HSD11B1L: variants seen among roughly 807,000 people sequenced by gnomAD.
HSD11B1L encodes hydroxysteroid 11-beta dehydrogenase 1 like.
In HSD11B1L, 22 loss-of-function variants were observed where a neutral mutation model predicts 27.0. The observed-to-expected ratio is 0.81, with a 90% CI of 0.58 to 1.16. HSD11B1L has a LOEUF of 1.16. Among genes scored for constraint, HSD11B1L ranks in the 50% most tolerant of loss-of-function variants. The pLI is 0.00. For synonymous variants in HSD11B1L, 187 were observed against 189.2 expected (o/e 0.99, Z 0.09); for missense variants, 372 against 401.8 (o/e 0.93, Z 0.63).
Position 5,685,141 on chromosome 19 carries a change from T to G in HSD11B1L, c.204+22T>G. ...GAAGGTGAGCCACCCCATGTCTAGA[T>G]GAATGGTGGGGGTGCTCATGGGGGG... On this transcript the variant is annotated intron_variant, in intron 3 of 7. Transcript: ENST00000339423. This position sits in a 1 kb window ranked among gnomAD's most constrained non-coding sequence, Gnocchi z 4.3. 1.9e-6 allele frequency: 3 copies of G among 1,542,238 alleles called. No individual in the cohort carries two copies. The highest frequency in any genetic ancestry group is 2.4e-5 in the South Asian group (2 of 84,074).
intron 1 of HSD11B1L, among the ~76,000 whole-genome samples, chr19:5,684,516 C>T (rs2054636219): frequency 1.3e-5 from 2 of 152,256 alleles, no homozygotes; most frequent in African/African-American, 2.4e-5. Flanking sequence ...CCACACAGGG[C>T]GTTTGTAGCC....
At position 5,685,079 on chromosome 19, in the gene HSD11B1L, AC is replaced by A. The variant is rs2054654283; in HGVS notation, c.166del (p.Leu56TrpfsTer15). ...TATCACTACGCGCGTCTGGGCTCCCACCTGGTGCTCACTGCCCACACTGAGG... is the reference window on the plus strand; with the variant it reads ...TATCACTACGCGCGTCTGGGCTCCCACTGGTGCTCACTGCCCACACTGAGG... ...LAYHYARLGS[H>X]LVLTAHTEAL... On this transcript the variant is annotated frameshift_variant, in exon 3 of 8. Coordinates refer to ENST00000339423, the MANE Select transcript of HSD11B1L (RefSeq NM_198706.3). LOFTEE classifies it high-confidence loss of function. The surrounding 1 kb of genome is among the most constrained non-coding windows in gnomAD (Gnocchi z 4.3). 1 of 1,551,760 alleles carries A rather than the reference AC, an allele frequency of 6.4e-7. No individual in the cohort carries two copies. The highest frequency in any genetic ancestry group is 1.4e-5 in the African/African-American group (1 of 73,050).
At position 5,685,387 on chromosome 19, in the gene HSD11B1L, C is replaced by G. The variant is rs1568299885; in HGVS notation, c.204+268C>G. 1 of 583,632 alleles carries G rather than the reference C, an allele frequency of 1.7e-6. No homozygotes were observed. Among genetic ancestry groups the G allele is most frequent in the Middle Eastern group, 3.2e-4 (1 of 3,162 alleles). The allele number at this position is 583,632 out of a possible 1,614,324, so 36.2% of individuals were successfully genotyped here. On this transcript the variant is annotated intron_variant, in intron 3 of 7. Transcript: ENST00000339423. The surrounding 1 kb of genome is among the most constrained non-coding windows in gnomAD (Gnocchi z 4.3). ...GGTCAGGAGTTCAAGACCAGCCTGG[C>G]CAACATGGCGAAACCTGGTCTCTAC...
chr19:5,686,298 C>G (rs887933955), intron 3 of HSD11B1L, 118 bp from the exon 4 acceptor site: 6 of 695,020 alleles, frequency 8.6e-6, no homozygotes, highest in Admixed American at 3.2e-5. Flanking sequence ...GAATGGGTCC[C>G]GAGGCTCAGA....
At chr19:5,681,758 C>G (rs937482957) in intron 1 of HSD11B1L, among the ~76,000 whole-genome samples, 1 of 151,492 alleles carries the variant, frequency 6.6e-6, no homozygotes, top group Non-Finnish European at 1.5e-5. Flanking sequence ...CCATACATCT[C>G]TCCGTCCATC....
intron 1 of HSD11B1L, among the ~76,000 whole-genome samples, chr19:5,681,590 C>CTAT (rs2054548380): frequency 6.6e-6 from 1 of 152,098 alleles, no homozygotes; most frequent in African/African-American, 2.4e-5. Context: ...ACCCATCCAT[C>CTAT]TATTTATCTG....
chr19:5,685,172 A>G lies in HSD11B1L; in HGVS notation c.204+53A>G. On this transcript the variant is annotated intron_variant, in intron 3 of 7. Coordinates refer to ENST00000339423, the MANE Select transcript of HSD11B1L (RefSeq NM_198706.3). The surrounding 1 kb of genome is among the most constrained non-coding windows in gnomAD (Gnocchi z 4.3). ...GTGGGGGTGCTCATGGGGGGTGGGA[A>G]GAGAGCCTGGGTTTAATCCCTGCAA... The G allele has an allele frequency of 1.3e-6, 2 of 1,534,532 alleles. No individual in the cohort carries two copies. Among genetic ancestry groups the G allele is most frequent in the Non-Finnish European group, 1.7e-6 (2 of 1,144,278 alleles).
chr19:5,684,811 C>A lies in HSD11B1L; in HGVS notation c.-14-8C>A. ...TGCCGGCCACCTCTGTCCCCTGTCC[C>A]TCTGCAGGCCCACACAGGACCATGA... On this transcript the variant is annotated splice_polypyrimidine_tract_variant and splice_region_variant and intron_variant, in intron 1 of 7. Coordinates refer to ENST00000339423, the MANE Select transcript of HSD11B1L (RefSeq NM_198706.3). 1 of 1,613,576 alleles carries A rather than the reference C, an allele frequency of 6.2e-7. No homozygotes were observed.
At chr19:5,682,338 G>A (rs1320372268) in intron 1 of HSD11B1L, among the ~76,000 whole-genome samples, 1 of 152,178 alleles carries the variant, frequency 6.6e-6, no homozygotes, top group Non-Finnish European at 1.5e-5. Context: ...CCAAATCGGA[G>A]ATGGAAGGGA....
At position 5,686,968 on chromosome 19, in the gene HSD11B1L, C is replaced by T; in HGVS notation, c.385C>T (p.Gln129Ter). 5 of 1,550,624 alleles carry T rather than the reference C, an allele frequency of 3.2e-6. No homozygotes were observed. Among genetic ancestry groups the T allele is most frequent in the Non-Finnish European group, 4.4e-6 (5 of 1,148,392 alleles). ...GGCCGGCACGCGAGCCCGCAGCCCC[C>T]AGGCAACTCGCTGGCTCATGCAGGT... ...APAGTRARSP[Q>*]ATRWLMQVNF... Residue 129 changes from glutamine (Q) to a stop codon, truncating the protein, a stop_gained, in exon 5 of 8, where the codon CAG (glutamine) becomes TAG (stop). Transcript: ENST00000339423. LOFTEE classifies it high-confidence loss of function.
At chr19:5,686,678 T>C in intron 4 of HSD11B1L, 151 bp downstream of exon 4, 3 of 717,624 alleles carry the variant, frequency 4.2e-6, no homozygotes, top group Non-Finnish European at 6.8e-6. Flanking sequence ...TGGAGTCTCA[T>C]TGCGTCTGGG....
At chr19:5,684,020 A>G in intron 1 of HSD11B1L, 1 of 467,384 alleles carries the variant, frequency 2.1e-6, no homozygotes, top group East Asian at 3.5e-5. Context: ...CTTGTTGCCT[A>G]GGCTGGAGTG....
rs1168433209 is a variant in HSD11B1L, at chr19:5,683,208, C to CAAAAA, written c.-14-1594_-14-1590dup. ...GTGCAACAAGAGTGAAACTCAGTCT[C>CAAAAA]AAAAAAAAAAAAAAAAAAAAAGAAC... On this transcript the variant is annotated intron_variant, in intron 1 of 7. Transcript: ENST00000339423. Among the ~76,000 whole-genome samples, 5 of 51,090 alleles carry CAAAAA rather than the reference C, an allele frequency of 9.8e-5. No individual in the cohort carries two copies. The East Asian group carries it at 3.2e-3, about 32-fold the overall frequency. 33.5% of individuals were successfully genotyped at this position (51,090 alleles called of 152,430 possible).
intron 1 of HSD11B1L, chr19:5,684,155 A>G (rs1283911937): frequency 2.0e-5 from 8 of 403,124 alleles, no homozygotes; most frequent in East Asian, 3.6e-5. Flanking sequence ...AGCTGGGATT[A>G]CAGGCGCCTG....
chr19:5,684,728 C>T (rs2054641971), intron 1 of HSD11B1L, 91 bp from the exon 2 acceptor site: 2 of 1,589,080 alleles, frequency 1.3e-6, no homozygotes, highest in Non-Finnish European at 8.6e-7. Flanking sequence ...AGGCGTGGAT[C>T]CAAGGCGGTG....
rs1421823482 is a variant in HSD11B1L at position 5,688,050 on chromosome 19, C to T, written c.*105C>T. ...ACACCCCTGAGAGGGTGGCCACAGC[C>T]CAAGATGAAGTCATCAAGACAGAAA... On this transcript the variant is annotated 3_prime_UTR_variant, in exon 8 of 8. Transcript: ENST00000339423. 6.4e-7 allele frequency: 1 copy of T among 1,551,456 alleles called. No homozygotes were observed. The highest frequency in any genetic ancestry group is 1.4e-5 in the African/African-American group (1 of 73,048).
intron 1 of HSD11B1L, chr19:5,684,079 G>C (rs1462549413): frequency 2.1e-6 from 1 of 476,170 alleles, no homozygotes; most frequent in Non-Finnish European, 3.8e-6. Context: ...AGGTTCAAGC[G>C]ATTCTCCTGC....
chr19:5,686,761 G>A, intron 4 of HSD11B1L, 139 bp from the exon 5 acceptor site: 1 of 745,920 alleles, frequency 1.3e-6, no homozygotes, highest in South Asian at 1.8e-5. Flanking sequence ...GGCCAAGGCT[G>A]GGTGTCTTTG....
rs1292914257 is a variant in HSD11B1L at position 5,685,859 on chromosome 19, G to A, written c.205-557G>A. Among the ~76,000 whole-genome samples the A allele has an allele frequency of 5.9e-5, 9 of 152,156 alleles. No homozygotes were observed. The highest frequency in any genetic ancestry group is 3.9e-4 in the East Asian group (2 of 5,194). ...GCAGAGGTTGCAGTGAGCCGAGATC[G>A]CACTACTGCACTCCAGCCTGGGCAA... On this transcript the variant is annotated intron_variant, in intron 3 of 7. Coordinates refer to ENST00000339423, the MANE Select transcript of HSD11B1L (RefSeq NM_198706.3). The surrounding 1 kb of genome is among the most constrained non-coding windows in gnomAD (Gnocchi z 4.3).
Sources: allele counts gnomAD v4.1 joint callset (sites outside exome capture counted in the v4.1 genomes callset), GRCh38; gene constraint gnomAD v4.1.1; non-coding constraint Gnocchi (gnomAD v3.1); transcripts MANE v1.5; gene names NCBI Gene and HGNC (gene_info 2026-07-23, HGNC 2026-07-21).